Variants in DLC1 observed in about 807,000 individuals in gnomAD.
DLC1 encodes the protein rho GTPase-activating protein 7.
Under a neutral mutation model 140.3 loss-of-function variants are expected in DLC1, and 54 were observed. The observed-to-expected ratio is 0.38, with a 90% CI of 0.31 to 0.48. The LOEUF (loss-of-function observed/expected upper bound fraction) is 0.48. DLC1 is among the 20% of genes least tolerant of loss of function. The pLI is 0.96. For missense variants in DLC1, 2,536 were observed against 1,907.0 expected (o/e 1.33, Z -6.14); for synonymous variants, 986 against 728.1 (o/e 1.35, Z -5.70).
At chr8:13,482,269 T>G (rs1248559227) in intron 2 of DLC1, among the ~76,000 whole-genome samples, 1 of 152,190 alleles carries the variant, frequency 6.6e-6, no homozygotes, top group African/African-American at 2.4e-5. Context: ...AATGGAAGCA[T>G]GTATTTCTAG....
intron 4 of DLC1, among the ~76,000 whole-genome samples, chr8:13,329,927 A>T (rs1189277250): frequency 6.6e-6 from 1 of 152,142 alleles, no homozygotes; most frequent in Non-Finnish European, 1.5e-5. Context: ...AGAGTTTGAG[A>T]AAAGAACATT....
intron 7 of DLC1, among the ~76,000 whole-genome samples, chr8:13,110,272 A>G (rs1443736959): frequency 6.6e-6 from 1 of 152,194 alleles, no homozygotes; most frequent in Non-Finnish European, 1.5e-5. Context: ...TATGTTAAAG[A>G]CCATGCTGAG....
chr8:13,123,081 C>T lies in DLC1; in HGVS notation c.1349-7424G>A, dbSNP rs373771524. 2.1e-3 allele frequency among the ~76,000 whole-genome samples: 321 copies of T among 152,308 alleles called. 9 individuals are homozygous for T. The South Asian group carries it at 0.057, about 27-fold the overall frequency. On this transcript the variant is annotated intron_variant, in intron 5 of 17. Transcript: ENST00000276297. ...AAAGGAAATTCACAGTGGAGTACAG[C>T]GCGTATGAGGACCCTCTATCCTCCA...
intron 5 of DLC1, among the ~76,000 whole-genome samples, chr8:13,239,402 T>A (rs1220459671): frequency 6.6e-6 from 1 of 151,952 alleles, no homozygotes; most frequent in Non-Finnish European, 1.5e-5. Context: ...AACAGAGTGT[T>A]GAGTTGGGTT....
chr8:13,430,120 C>A (rs779756364), intron 2 of DLC1, among the ~76,000 whole-genome samples: 1 of 152,142 alleles, frequency 6.6e-6, no homozygotes, highest in African/African-American at 2.4e-5. Flanking sequence ...TTATAAAATT[C>A]TCTAAGTTAG....
chr8:13,177,377 A>C (rs1236912731), intron 5 of DLC1, among the ~76,000 whole-genome samples: 1 of 152,186 alleles, frequency 6.6e-6, no homozygotes, highest in Non-Finnish European at 1.5e-5. Flanking sequence ...TCAGAAATGA[A>C]ATTTTTCATT....
chr8:13,290,468 T>G (rs1342248037), intron 5 of DLC1, among the ~76,000 whole-genome samples: 1 of 152,228 alleles, frequency 6.6e-6, no homozygotes, highest in Admixed American at 6.5e-5. Context: ...TTTTTCTTAA[T>G]TAAAAATGCC....
intron 1 of DLC1, among the ~76,000 whole-genome samples, chr8:13,593,840 C>T (rs962228520): frequency 1.3e-5 from 2 of 152,060 alleles, no homozygotes; most frequent in African/African-American, 4.8e-5. Context: ...GCAAAGATTT[C>T]ATCTATGTGG....
At chr8:13,490,893 C>A (rs772241492) in intron 2 of DLC1, among the ~76,000 whole-genome samples, 2 of 151,660 alleles carry the variant, frequency 1.3e-5, no homozygotes, top group South Asian at 2.1e-4. Context: ...AGAGGCCCCT[C>A]ATACATCGTA....
rs779394726 is a variant in DLC1, at chr8:13,466,268, T to C, written c.1023+32781A>G. On this transcript the variant is annotated intron_variant, in intron 2 of 17. Transcript: ENST00000276297. Reference sequence around the variant, plus strand: ...TACCTACCTGCTCGCTGAGCCTGCGTGTTCTGGACGCAATACCCCCACTTC... The same window carrying C: ...TACCTACCTGCTCGCTGAGCCTGCGCGTTCTGGACGCAATACCCCCACTTC... Among the ~76,000 whole-genome samples the C allele has an allele frequency of 3.4e-4, 52 of 152,206 alleles. 1 individual carries two copies. The highest frequency in any genetic ancestry group is 4.9e-4 in the Non-Finnish European group (33 of 68,040).
intron 1 of DLC1, among the ~76,000 whole-genome samples, chr8:13,544,748 T>G (rs768575322): frequency 2.6e-5 from 4 of 152,246 alleles, no homozygotes; most frequent in Non-Finnish European, 5.9e-5. Context: ...CAATCCATTT[T>G]ACACAACTGT....
rs552237082 is a variant in DLC1, at chr8:13,427,070, C to T, written c.1024-25451G>A. 3.3e-5 allele frequency among the ~76,000 whole-genome samples: 5 copies of T among 152,194 alleles called. No individual in the cohort carries two copies. The East Asian group carries it at 7.7e-4, about 24-fold the overall frequency. ...TGTTTGCTGATTCCACACTCCTTGC[C>T]TTGTTTTGTTTTGTCATTTTAGAAA... is the stretch of plus-strand genomic sequence containing the variant. On this transcript the variant is annotated intron_variant, in intron 2 of 17. Transcript: ENST00000276297.
intron 5 of DLC1, among the ~76,000 whole-genome samples, chr8:13,159,165 C>G (rs1824497460): frequency 6.6e-6 from 1 of 152,100 alleles, no homozygotes; most frequent in South Asian, 2.1e-4. Flanking sequence ...AAATCAAATA[C>G]CAGTACGGTG....
chr8:13,427,352 G>A (rs748736711), intron 2 of DLC1, among the ~76,000 whole-genome samples: 1 of 152,132 alleles, frequency 6.6e-6, no homozygotes, highest in Non-Finnish European at 1.5e-5. Flanking sequence ...CAGGACAGCA[G>A]CTCCAGTCCT....
intron 1 of DLC1, among the ~76,000 whole-genome samples, chr8:13,579,347 A>ATTTTTTTTTT (rs1804974741): frequency 7.7e-5 from 4 of 51,892 alleles, no homozygotes; most frequent in African/African-American, 4.2e-4. Flanking sequence ...ATATATATAT[A>ATTTTTTTTTT]TATATATATA....
chr8:13,159,136 A>T (rs1171981294), intron 5 of DLC1, among the ~76,000 whole-genome samples: 1 of 152,094 alleles, frequency 6.6e-6, no homozygotes, highest in Non-Finnish European at 1.5e-5. Context: ...CGTGGGACTG[A>T]TTTCCCTTTT....
chr8:13,583,688 A>C (rs910106644), intron 1 of DLC1, among the ~76,000 whole-genome samples: 1 of 152,230 alleles, frequency 6.6e-6, no homozygotes, highest in Non-Finnish European at 1.5e-5. Flanking sequence ...TTAATTCTTT[A>C]GCGAAATATC....
At chr8:13,326,340 C>T (rs1348233143) in intron 4 of DLC1, among the ~76,000 whole-genome samples, 1 of 152,196 alleles carries the variant, frequency 6.6e-6, no homozygotes, top group African/African-American at 2.4e-5. Flanking sequence ...CTATATACCT[C>T]AGCTGACCTC....
At chr8:13,106,820 T>C (rs527862709) in intron 7 of DLC1, among the ~76,000 whole-genome samples, 1 of 152,372 alleles carries the variant, frequency 6.6e-6, no homozygotes, top group East Asian at 1.9e-4. Context: ...TTCTTTGCTG[T>C]GTTTATAGAA....
Sources: allele counts gnomAD v4.1 joint callset (sites outside exome capture counted in the v4.1 genomes callset), GRCh38; gene constraint gnomAD v4.1.1; transcripts MANE v1.5; gene names NCBI Gene and HGNC (gene_info 2026-07-23, HGNC 2026-07-21).